FTCDNL1: variants seen among roughly 807,000 people sequenced by gnomAD.
FTCDNL1 encodes formiminotransferase cyclodeaminase N-terminal like, also known as formiminotransferase N-terminal subdomain-containing protein.
In FTCDNL1, 11 loss-of-function variants were observed where a neutral mutation model predicts 5.9. The observed-to-expected ratio is 1.87, with a 90% CI of 1.18 to 3.10. The LOEUF is 3.10. FTCDNL1 is among the 30% of genes most tolerant of loss of function. FTCDNL1 has a pLI of 0.00. For synonymous variants in FTCDNL1, 58 were observed against 24.8 expected (o/e 2.34, Z -3.99); for missense variants, 115 against 65.5 (o/e 1.76, Z -2.61).
chr2:199,675,344 G>A, the FTCDNL1 span, among the ~76,000 whole-genome samples: 1 of 152,016 alleles, frequency 6.6e-6, no homozygotes, highest in Non-Finnish European at 1.5e-5. Flanking sequence ...GTTGGAATAA[G>A]TGTATATAAT....
Position 199,812,203 on chromosome 2 carries a change from A to C in FTCDNL1, c.*502T>G, listed in dbSNP as rs7605378. 0.64 allele frequency among the ~76,000 whole-genome samples: 97,030 copies of C among 151,950 alleles called. 31,231 individuals carry two copies. Among genetic ancestry groups the C allele is most frequent in the South Asian group, 0.77 (3,690 of 4,812 alleles). On this transcript the variant is annotated 3_prime_UTR_variant, in exon 5 of 5. Transcript: ENST00000420128. The stretch of plus-strand genomic sequence containing the variant: ...AATGAATCTGAGATGTTTCTGACCT[A>C]ATCAGGGTAGTAGTTTCCTCTCCAA...
Position 199,819,755 on chromosome 2 carries a change from G to C in FTCDNL1, c.214C>G (p.Leu72Val), listed in dbSNP as rs1482389363. 1 of 692,282 alleles carries C rather than the reference G, an allele frequency of 1.4e-6. No homozygotes were observed. The highest frequency in any genetic ancestry group is 2.7e-5 in the East Asian group (1 of 37,068). The allele number at this position is 692,282 out of a possible 1,614,324, so 42.9% of individuals were successfully genotyped here. Reference sequence around the variant, plus strand: ...ACATGCAGCACCAGATCCTCAGCAAGGCCTGTGGCAGAGGGAATTTTAACC... The same window carrying C: ...ACATGCAGCACCAGATCCTCAGCAACGCCTGTGGCAGAGGGAATTTTAACC... ...TIATSVDKLG[L>V]AEDLVLHVPG... Residue 72 changes from leucine to valine, a missense_variant and splice_region_variant, in exon 4 of 5, where the codon CTT becomes GTT. Leu to Val is a conservative substitution (Grantham distance 32). Transcript: ENST00000420128.
the FTCDNL1 span, among the ~76,000 whole-genome samples, chr2:199,716,945 T>C: frequency 1.3e-5 from 2 of 152,112 alleles, no homozygotes; most frequent in Non-Finnish European, 2.9e-5. Context: ...AAGTTCTGAC[T>C]CCTGTAGCCT....
At chr2:199,725,456 T>C in the FTCDNL1 span, among the ~76,000 whole-genome samples, 1 of 152,152 alleles carries the variant, frequency 6.6e-6, no homozygotes, top group African/African-American at 2.4e-5. Context: ...TTTTCAGACT[T>C]GTTAATGTAG....
intron 3 of FTCDNL1, among the ~76,000 whole-genome samples, chr2:199,832,011 G>A (rs2106580973): frequency 6.6e-6 from 1 of 152,164 alleles, no homozygotes; most frequent in East Asian, 1.9e-4. Flanking sequence ...TGGAGATACA[G>A]ATACAAGTAT....
At chr2:199,665,087 C>T in the FTCDNL1 span, among the ~76,000 whole-genome samples, 2 of 152,192 alleles carry the variant, frequency 1.3e-5, no homozygotes, top group East Asian at 3.8e-4. Context: ...AAGAATATTT[C>T]TTCTTCCCTT....
the FTCDNL1 span, among the ~76,000 whole-genome samples, chr2:199,680,146 G>A: frequency 1.2e-4 from 19 of 152,250 alleles, 1 homozygote; most frequent in African/African-American, 4.3e-4. Flanking sequence ...AATGCGCTTA[G>A]GTTAAAAGAT....
At chr2:199,848,184 C>A (rs1040737408) in intron 2 of FTCDNL1, among the ~76,000 whole-genome samples, 1 of 152,182 alleles carries the variant, frequency 6.6e-6, no homozygotes. Flanking sequence ...TGTGTCACCA[C>A]AGGAACATTT....
intron 4 of FTCDNL1, among the ~76,000 whole-genome samples, chr2:199,814,622 C>T (rs183656827): frequency 2.0e-5 from 3 of 152,318 alleles, no homozygotes; most frequent in Admixed American, 6.5e-5. Context: ...GAACAGTGCC[C>T]TCCCTGAGTT....
chr2:199,665,592 C>A, the FTCDNL1 span, among the ~76,000 whole-genome samples: 4 of 149,798 alleles, frequency 2.7e-5, no homozygotes, highest in Non-Finnish European at 4.4e-5. Flanking sequence ...GAGATCGTGC[C>A]ATTTGCATAT....
chr2:199,805,565 C>A (rs1700680403), downstream of FTCDNL1, among the ~76,000 whole-genome samples: 1 of 151,956 alleles, frequency 6.6e-6, no homozygotes, highest in Non-Finnish European at 1.5e-5. Flanking sequence ...ATGGTGAAAC[C>A]CGTCTCTACC....
At chr2:199,804,316 C>T (rs1032208393), downstream of FTCDNL1, among the ~76,000 whole-genome samples, 4 of 152,092 alleles carry the variant, frequency 2.6e-5, no homozygotes, top group African/African-American at 4.8e-5. Context: ...TTGGGAAAGG[C>T]GTTTGGCTGG....
intron 3 of FTCDNL1, among the ~76,000 whole-genome samples, chr2:199,832,492 C>CATTT (rs753650978): frequency 1.1e-4 from 16 of 152,170 alleles, no homozygotes; most frequent in Non-Finnish European, 1.8e-4. Flanking sequence ...GAAATAGGTA[C>CATTT]TGAATATCAT....
the FTCDNL1 span, among the ~76,000 whole-genome samples, chr2:199,672,283 T>A: frequency 6.6e-6 from 1 of 152,206 alleles, no homozygotes; most frequent in Non-Finnish European, 1.5e-5. Context: ...CATGAGAGGG[T>A]CTTTGCTTTA....
chr2:199,784,969 T>A lies in FTCDNL1; in HGVS notation c.212-24134A>T, dbSNP rs1050907736. On this transcript the variant is annotated intron_variant, in intron 3 of 3. Transcript: ENST00000416668. Reference sequence around the variant, plus strand: ...CAGTTAACTCAAATTGCTGGGGAAGTTTGAGATTCATTTGAACAAAAATAG... The same window carrying A: ...CAGTTAACTCAAATTGCTGGGGAAGATTGAGATTCATTTGAACAAAAATAG... Among the ~76,000 whole-genome samples the A allele has an allele frequency of 2.0e-5, 3 of 152,254 alleles. No homozygotes were observed. In the East Asian group the frequency reaches 5.8e-4, roughly 29 times the overall value.
At chr2:199,796,285 T>A (rs1339862332) in intron 3 of FTCDNL1, among the ~76,000 whole-genome samples, 1 of 152,228 alleles carries the variant, frequency 6.6e-6, no homozygotes, top group Non-Finnish European at 1.5e-5. Context: ...GAATTTTACC[T>A]GAGTTATTTA....
At chr2:199,838,989 G>A (rs1702947612) in intron 3 of FTCDNL1, among the ~76,000 whole-genome samples, 1 of 152,108 alleles carries the variant, frequency 6.6e-6, no homozygotes, top group Non-Finnish European at 1.5e-5. Flanking sequence ...AACAGCTCAA[G>A]AGGAAAGACC....
the FTCDNL1 span, among the ~76,000 whole-genome samples, chr2:199,723,367 C>T: frequency 6.6e-6 from 1 of 152,026 alleles, no homozygotes. Flanking sequence ...TATTTGAATA[C>T]CCTTTATTTC....
chr2:199,839,908 T>G (rs1056395429), intron 3 of FTCDNL1, among the ~76,000 whole-genome samples: 14 of 152,178 alleles, frequency 9.2e-5, no homozygotes, highest in African/African-American at 3.4e-4. Context: ...TCATTTTTTT[T>G]CAGAAAGCTA....
Sources: allele counts gnomAD v4.1 joint callset (sites outside exome capture counted in the v4.1 genomes callset), GRCh38; gene constraint gnomAD v4.1.1; transcripts MANE v1.5; gene names NCBI Gene and HGNC (gene_info 2026-07-23, HGNC 2026-07-21).